CNTNAP2: variants seen among roughly 807,000 people sequenced by gnomAD.
The protein encoded by CNTNAP2 is contactin-associated protein-like 2.
CNTNAP2 carries 98 observed loss-of-function variants against 155.2 expected under a neutral mutation model. The ratio of observed to expected loss-of-function variants is 0.63; its 90% CI spans 0.54 to 0.75. CNTNAP2 has a LOEUF of 0.75. Among genes scored for constraint, CNTNAP2 ranks in the 30% least tolerant of loss-of-function variants. The pLI, the probability that CNTNAP2 is intolerant of heterozygous loss-of-function variation, is 0.00. For synonymous variants in CNTNAP2, 651 were observed against 631.2 expected (o/e 1.03, Z -0.47); for missense variants, 1,727 against 1,688.1 (o/e 1.02, Z -0.40).
chr7:146,899,352 T>C (rs1795946535), intron 3 of CNTNAP2, among the ~76,000 whole-genome samples: 1 of 152,178 alleles, frequency 6.6e-6, no homozygotes, highest in Non-Finnish European at 1.5e-5. Context: ...GAAACCAGCA[T>C]ACTCAAATCG....
At chr7:147,583,211 A>G (rs1473670139) in intron 12 of CNTNAP2, among the ~76,000 whole-genome samples, 1 of 152,112 alleles carries the variant, frequency 6.6e-6, no homozygotes, top group Non-Finnish European at 1.5e-5. Flanking sequence ...ACTCAAAATT[A>G]TAACTACTGC....
intron 3 of CNTNAP2, among the ~76,000 whole-genome samples, chr7:146,973,822 C>T (rs1797853436): frequency 6.6e-6 from 1 of 152,184 alleles, no homozygotes; most frequent in South Asian, 2.1e-4. Context: ...TTAGTTCCAA[C>T]TGGATTTCCA....
chr7:146,642,521 G>A (rs1799729339), intron 1 of CNTNAP2, among the ~76,000 whole-genome samples: 1 of 151,722 alleles, frequency 6.6e-6, no homozygotes, highest in South Asian at 2.1e-4. Flanking sequence ...GTATTCCATG[G>A]TGTATACGTG....
chr7:147,347,239 G>A (rs1795879312), intron 9 of CNTNAP2, among the ~76,000 whole-genome samples: 1 of 151,824 alleles, frequency 6.6e-6, no homozygotes, highest in Non-Finnish European at 1.5e-5. Flanking sequence ...GAGTGAATGA[G>A]GAGGGTAGTT....
At chr7:148,259,239 C>T (rs982648674) in intron 20 of CNTNAP2, among the ~76,000 whole-genome samples, 1 of 140,354 alleles carries the variant, frequency 7.1e-6, no homozygotes, top group African/African-American at 2.7e-5. Flanking sequence ...ACCTGTGGTC[C>T]CAGCTACTCG....
chr7:146,295,141 A>G (rs1282025926), intron 1 of CNTNAP2, among the ~76,000 whole-genome samples: 1 of 152,188 alleles, frequency 6.6e-6, no homozygotes, highest in Non-Finnish European at 1.5e-5. Flanking sequence ...TAGTCACTAC[A>G]TTTTAGCCAA....
chr7:147,965,072 A>T (rs151140566), intron 14 of CNTNAP2, among the ~76,000 whole-genome samples: 1 of 152,284 alleles, frequency 6.6e-6, no homozygotes, highest in Non-Finnish European at 1.5e-5. Flanking sequence ...CCCAATTATG[A>T]GTTGGAGAAA....
intron 8 of CNTNAP2, among the ~76,000 whole-genome samples, chr7:147,251,166 AAAAG>A (rs764614085): frequency 1.3e-5 from 2 of 152,104 alleles, no homozygotes; most frequent in African/African-American, 2.4e-5. Flanking sequence ...GTGGCCATAA[AAAAG>A]AGCAGGATTT....
At chr7:147,965,468 G>C (rs7805706) in intron 14 of CNTNAP2, among the ~76,000 whole-genome samples, 15,631 of 151,202 alleles carry the variant, frequency 0.1, 1,058 homozygotes, top group African/African-American at 0.2. Flanking sequence ...ATCAGCTATT[G>C]AACTTTTTCT....
intron 1 of CNTNAP2, among the ~76,000 whole-genome samples, chr7:146,630,691 A>G (rs1799496518): frequency 6.6e-6 from 1 of 151,776 alleles, no homozygotes; most frequent in South Asian, 2.1e-4. Flanking sequence ...ATGAGATCGT[A>G]TCTCACTGTG....
chr7:148,405,446 T>TTTTTTTTTTTTTTTTTTTTGG (rs1799678093), intron 22 of CNTNAP2, among the ~76,000 whole-genome samples: 1 of 70,140 alleles, frequency 1.4e-5, no homozygotes, highest in African/African-American at 3.6e-5. Flanking sequence ...TTTTTTTTTT[T>TTTTTTTTTTTTTTTTTTTTGG]GAGACGGAGT....
At chr7:146,812,564 A>C (rs530663715) in intron 2 of CNTNAP2, among the ~76,000 whole-genome samples, 2 of 151,886 alleles carry the variant, frequency 1.3e-5, no homozygotes, top group African/African-American at 4.8e-5. Flanking sequence ...CTGCTGAAGA[A>C]ATTTCTAAGT....
At chr7:146,409,278 T>C (rs1453675476) in intron 1 of CNTNAP2, among the ~76,000 whole-genome samples, 12 of 152,222 alleles carry the variant, frequency 7.9e-5, no homozygotes, top group Non-Finnish European at 1.6e-4. Flanking sequence ...ACACCTTTTA[T>C]AATTTATGAT....
intron 3 of CNTNAP2, among the ~76,000 whole-genome samples, chr7:147,023,761 T>A (rs1380884623): frequency 3.9e-5 from 6 of 152,204 alleles, no homozygotes; most frequent in African/African-American, 1.2e-4. Flanking sequence ...CCAGTTGCCT[T>A]CTGAGTCACC....
chr7:147,237,434 C>T (rs1803833854), intron 8 of CNTNAP2, among the ~76,000 whole-genome samples: 1 of 152,098 alleles, frequency 6.6e-6, no homozygotes, highest in Non-Finnish European at 1.5e-5. Flanking sequence ...CCAAATGTGC[C>T]ACCATATTTC....
chr7:146,336,630 C>A (rs529948910), intron 1 of CNTNAP2, among the ~76,000 whole-genome samples: 3 of 152,050 alleles, frequency 2.0e-5, no homozygotes, highest in Non-Finnish European at 4.4e-5. Context: ...ACAATCTGTA[C>A]ATGATTGTTC....
intron 1 of CNTNAP2, among the ~76,000 whole-genome samples, chr7:146,770,575 G>A (rs561425402): frequency 6.6e-6 from 1 of 151,374 alleles, no homozygotes; most frequent in South Asian, 2.1e-4. Flanking sequence ...TTGCTTATTG[G>A]CCCTGATCTT....
rs6974955 is a variant in CNTNAP2, at chr7:146,541,069, T to G, written c.98-233202T>G. Among the ~76,000 whole-genome samples the G allele has an allele frequency of 8.8e-3, 1,333 of 152,054 alleles. 17 individuals carry two copies. Among genetic ancestry groups the G allele is most frequent in the African/African-American group, 0.03 (1,256 of 41,526 alleles). On this transcript the variant is annotated intron_variant, in intron 1 of 23. Coordinates refer to ENST00000361727, the MANE Select transcript of CNTNAP2 (RefSeq NM_014141.6). ...CCACTATTAATCCTTTTAGTCTCAT[T>G]TTTTCAGAACATACTGAAACAGAAA...
intron 1 of CNTNAP2, among the ~76,000 whole-genome samples, chr7:146,151,681 T>C (rs1166694510): frequency 1.1e-4 from 3 of 27,834 alleles, no homozygotes; most frequent in East Asian, 8.5e-4. Context: ...TATATATATA[T>C]GTATATATAT....
Sources: allele counts gnomAD v4.1 joint callset (sites outside exome capture counted in the v4.1 genomes callset), GRCh38; gene constraint gnomAD v4.1.1; transcripts MANE v1.5; gene names NCBI Gene and HGNC (gene_info 2026-07-23, HGNC 2026-07-21).